Variants in PLXDC2 observed in about 807,000 individuals in gnomAD.
PLXDC2 encodes the protein plexin domain containing 2, also known as plexin domain-containing protein 2.
PLXDC2 carries 40 observed loss-of-function variants against 68.9 expected under a neutral mutation model. That is an observed-to-expected ratio of 0.58 (90% CI 0.45 to 0.76). The LOEUF (loss-of-function observed/expected upper bound fraction) is 0.76. PLXDC2 is among the 30% of genes least tolerant of loss of function. PLXDC2 has a pLI of 0.00. For missense variants in PLXDC2, 644 were observed against 661.9 expected, an observed-to-expected ratio of 0.97 and a Z score of 0.30; for synonymous variants, 243 against 234.2, an observed-to-expected ratio of 1.04 and a Z score of -0.34.
At chr10:19,958,597 C>T (rs1411241291) in intron 1 of PLXDC2, among the ~76,000 whole-genome samples, 1 of 152,176 alleles carries the variant, frequency 6.6e-6, no homozygotes, top group Non-Finnish European at 1.5e-5. Context: ...TATGATTTTC[C>T]AGGGCATTTA....
intron 1 of PLXDC2, among the ~76,000 whole-genome samples, chr10:19,998,410 A>T (rs1834875947): frequency 6.6e-6 from 1 of 152,202 alleles, no homozygotes; most frequent in South Asian, 2.1e-4. Context: ...ACTCAGTTTC[A>T]TACTTTTCAG....
At chr10:20,122,975 G>C (rs185756210) in intron 4 of PLXDC2, among the ~76,000 whole-genome samples, 8 of 152,266 alleles carry the variant, frequency 5.3e-5, no homozygotes, top group African/African-American at 1.9e-4. Context: ...TATATTTGAT[G>C]AAAAAGAGCC....
intron 13 of PLXDC2, among the ~76,000 whole-genome samples, chr10:20,265,244 C>T (rs1428326770): frequency 2.6e-5 from 4 of 152,070 alleles, no homozygotes; most frequent in East Asian, 3.9e-4. Flanking sequence ...AAACTCTTTC[C>T]GAGATGAGCT....
At chr10:20,052,109 A>G (rs1835912030) in intron 3 of PLXDC2, among the ~76,000 whole-genome samples, 1 of 152,032 alleles carries the variant, frequency 6.6e-6, no homozygotes, top group Admixed American at 6.6e-5. Context: ...CCAGATTGGT[A>G]ATATTAACTA....
chr10:20,273,715 G>C (rs921390152), intron 13 of PLXDC2, among the ~76,000 whole-genome samples: 1 of 152,068 alleles, frequency 6.6e-6, no homozygotes, highest in Non-Finnish European at 1.5e-5. Flanking sequence ...TCTGTAGGTG[G>C]GTATTCAGAA....
At chr10:20,097,710 A>C (rs1833369510) in intron 4 of PLXDC2, among the ~76,000 whole-genome samples, 1 of 152,130 alleles carries the variant, frequency 6.6e-6, no homozygotes, top group Admixed American at 6.6e-5. Flanking sequence ...AGTCAGTGGA[A>C]ATTTGTTATA....
intron 5 of PLXDC2, among the ~76,000 whole-genome samples, chr10:20,147,230 C>T (rs1156582738): frequency 6.6e-6 from 1 of 152,164 alleles, no homozygotes; most frequent in East Asian, 1.9e-4. Flanking sequence ...GAGCTTCTTA[C>T]AGCTTCCTGG....
At chr10:20,042,044 C>T (rs1306884448) in intron 2 of PLXDC2, among the ~76,000 whole-genome samples, 1 of 152,174 alleles carries the variant, frequency 6.6e-6, no homozygotes, top group Non-Finnish European at 1.5e-5. Flanking sequence ...ACATTCAATC[C>T]ATAACATTCA....
At chr10:19,839,215 C>T (rs1836859416) in intron 1 of PLXDC2, among the ~76,000 whole-genome samples, 1 of 151,464 alleles carries the variant, frequency 6.6e-6, no homozygotes, top group African/African-American at 2.4e-5. Flanking sequence ...AGTTACTGCT[C>T]TGCTACCTTC....
chr10:20,080,306 G>A (rs1836528671), intron 4 of PLXDC2, among the ~76,000 whole-genome samples: 1 of 152,092 alleles, frequency 6.6e-6, no homozygotes. Flanking sequence ...TATATGAAGG[G>A]GAGTTTATCA....
At chr10:20,013,606 T>C (rs1835153719) in intron 2 of PLXDC2, among the ~76,000 whole-genome samples, 1 of 152,226 alleles carries the variant, frequency 6.6e-6, no homozygotes, top group South Asian at 2.1e-4. Flanking sequence ...AGTTCTGTCA[T>C]TTAAAACTAG....
chr10:20,186,364 A>G (rs559508988), intron 9 of PLXDC2, among the ~76,000 whole-genome samples: 128 of 152,062 alleles, frequency 8.4e-4, no homozygotes, highest in African/African-American at 3.0e-3. Context: ...TGACCACACT[A>G]GCGTAGGTCT....
At chr10:19,878,395 G>T (rs1837672847) in intron 1 of PLXDC2, among the ~76,000 whole-genome samples, 1 of 152,042 alleles carries the variant, frequency 6.6e-6, no homozygotes, top group African/African-American at 2.4e-5. Flanking sequence ...TTGCCATCTC[G>T]TGGATTTAAA....
intron 1 of PLXDC2, among the ~76,000 whole-genome samples, chr10:19,833,230 G>A (rs547471397): frequency 5.9e-5 from 9 of 152,192 alleles, no homozygotes; most frequent in East Asian, 3.9e-4. Context: ...TATCACCTTC[G>A]GTCTAATGAT....
intron 1 of PLXDC2, among the ~76,000 whole-genome samples, chr10:19,865,092 A>C (rs1837389486): frequency 6.6e-6 from 1 of 152,178 alleles, no homozygotes; most frequent in South Asian, 2.1e-4. Context: ...GTTCTTCTTT[A>C]GTTGTTTTAA....
At chr10:19,953,942 T>C (rs898374323) in intron 1 of PLXDC2, among the ~76,000 whole-genome samples, 1 of 152,148 alleles carries the variant, frequency 6.6e-6, no homozygotes, top group South Asian at 2.1e-4. Context: ...TGACAGCTGA[T>C]AATTTTTGGA....
chr10:20,275,372 G>A (rs1259471402), intron 13 of PLXDC2, among the ~76,000 whole-genome samples: 1 of 152,152 alleles, frequency 6.6e-6, no homozygotes, highest in African/African-American at 2.4e-5. Flanking sequence ...AGGAGCTGCA[G>A]TTTAACAAGA....
chr10:20,199,698 A>G (rs1834890746), intron 9 of PLXDC2, among the ~76,000 whole-genome samples: 1 of 151,958 alleles, frequency 6.6e-6, no homozygotes, highest in South Asian at 2.1e-4. Context: ...GATGTCAACT[A>G]TTTCCACATC....
chr10:20,115,722 A>G (rs1397615944), intron 4 of PLXDC2, among the ~76,000 whole-genome samples: 1 of 152,192 alleles, frequency 6.6e-6, no homozygotes, highest in East Asian at 1.9e-4. Flanking sequence ...TTAAAATACT[A>G]TTACATTTTA....
Sources: allele counts gnomAD v4.1 joint callset (sites outside exome capture counted in the v4.1 genomes callset), GRCh38; gene constraint gnomAD v4.1.1; transcripts MANE v1.5; gene names NCBI Gene and HGNC (gene_info 2026-07-23, HGNC 2026-07-21).